RAB27B: variants seen among roughly 807,000 people sequenced by gnomAD.
The protein encoded by RAB27B is RAB27B, member RAS oncogene family.
RAB27B carries 15 observed loss-of-function variants against 24.6 expected under a neutral mutation model. The observed-to-expected ratio is 0.61, with a 90% CI of 0.41 to 0.94. RAB27B has a LOEUF of 0.94. Among genes scored for constraint, RAB27B ranks in the 40% least tolerant of loss-of-function variants. The probability of loss-of-function intolerance (pLI) is 0.00; values close to 1 mark genes in which losing one functional copy is unlikely to be tolerated. For missense variants in RAB27B, 261 were observed against 266.8 expected, an observed-to-expected ratio of 0.98 and a Z score of 0.15; for synonymous variants, 105 against 92.5, an observed-to-expected ratio of 1.14 and a Z score of -0.78.
In RAB27B at chr18:54,802,689, G is replaced by C. The variant is rs184579887; in HGVS notation, c.-19-74878G>C. Among the ~76,000 whole-genome samples, 3 of 152,326 alleles carry C rather than the reference G, an allele frequency of 2.0e-5. No individual in the cohort carries two copies. In the East Asian group the frequency reaches 5.8e-4, roughly 29 times the overall value. ...ATAAGGCAAAAGAGAGTTTAAACAT[G>C]TAAGCTCAATTTGCTGTCTTGAAAC... On this transcript the variant is annotated intron_variant, in intron 2 of 4. Transcript: ENST00000586570.
chr18:54,783,401 A>T (rs1908977807), intron 2 of RAB27B, among the ~76,000 whole-genome samples: 5 of 152,162 alleles, frequency 3.3e-5, no homozygotes, highest in Admixed American at 3.3e-4. Context: ...AGCCATTTGT[A>T]AGAAGCATTT....
chr18:54,790,617 A>T (rs79546557), intron 2 of RAB27B, among the ~76,000 whole-genome samples: 13 of 150,680 alleles, frequency 8.6e-5, no homozygotes, highest in African/African-American at 2.2e-4. Flanking sequence ...AAACAAAAAT[A>T]TTTTTTTTCT....
chr18:54,879,362 C>A lies in RAB27B; in HGVS notation c.154-7C>A. The A allele has an allele frequency of 6.2e-7, 1 of 1,605,806 alleles. No homozygotes were observed. Among genetic ancestry groups the A allele is most frequent in the Non-Finnish European group, 8.5e-7 (1 of 1,172,630 alleles). The stretch of plus-strand genomic sequence containing the variant: ...CAACCTCAACTAATGAACGTTGTAT[C>A]TTTCAGGTTTATAATGCACAAGGAC... On this transcript the variant is annotated splice_region_variant and splice_polypyrimidine_tract_variant and intron_variant, in intron 2 of 5. Transcript: ENST00000262094.
intron 2 of RAB27B, among the ~76,000 whole-genome samples, chr18:54,724,081 G>A (rs1264727055): frequency 6.9e-6 from 1 of 144,140 alleles, no homozygotes; most frequent in Non-Finnish European, 1.6e-5. Context: ...TTAGTGGTGA[G>A]GAGTATCACG....
chr18:54,758,773 A>G (rs1908089063), intron 2 of RAB27B, among the ~76,000 whole-genome samples: 1 of 152,168 alleles, frequency 6.6e-6, no homozygotes, highest in Non-Finnish European at 1.5e-5. Context: ...GGTGATTCTA[A>G]TGAGCTCTGT....
intron 2 of RAB27B, among the ~76,000 whole-genome samples, chr18:54,752,411 C>T (rs1165405126): frequency 6.6e-6 from 1 of 152,086 alleles, no homozygotes; most frequent in East Asian, 1.9e-4. Context: ...TTAAAAGTCC[C>T]CCAGGTGATT....
intron 2 of RAB27B, among the ~76,000 whole-genome samples, chr18:54,739,456 C>CAAAAA (rs34119736): frequency 2.1e-5 from 2 of 94,512 alleles, no homozygotes; most frequent in Admixed American, 1.2e-4. Context: ...AACTCCATCT[C>CAAAAA]AAAAAAAAAA....
intron 2 of RAB27B, among the ~76,000 whole-genome samples, chr18:54,733,867 G>T (rs1349989396): frequency 6.6e-6 from 1 of 152,026 alleles, no homozygotes; most frequent in African/African-American, 2.4e-5. Flanking sequence ...TTAAGTTCTG[G>T]TAAAAATAGG....
chr18:54,858,909 ATTC>A (rs1312284746), intron 1 of RAB27B, among the ~76,000 whole-genome samples: 1 of 152,186 alleles, frequency 6.6e-6, no homozygotes, highest in Non-Finnish European at 1.5e-5. Context: ...CGGCAAATCT[ATTC>A]TTTGTGAATG....
At chr18:54,840,397 T>A (rs887378088) in intron 1 of RAB27B, among the ~76,000 whole-genome samples, 1 of 152,204 alleles carries the variant, frequency 6.6e-6, no homozygotes, top group African/African-American at 2.4e-5. Context: ...CTGTTCCCAG[T>A]AAATATATTT....
chr18:54,793,926 A>G (rs1909333242), intron 2 of RAB27B, among the ~76,000 whole-genome samples: 1 of 152,216 alleles, frequency 6.6e-6, no homozygotes, highest in African/African-American at 2.4e-5. Flanking sequence ...CATCACAAGA[A>G]TGCATATGGC....
intron 2 of RAB27B, among the ~76,000 whole-genome samples, chr18:54,730,000 A>G (rs1909677131): frequency 7.9e-6 from 1 of 126,920 alleles, no homozygotes; most frequent in African/African-American, 2.8e-5. Context: ...GGAAAGATGC[A>G]ATAAGAAGTG....
At chr18:54,819,034 T>C (rs928127186) in intron 2 of RAB27B, among the ~76,000 whole-genome samples, 4 of 151,648 alleles carry the variant, frequency 2.6e-5, no homozygotes, top group East Asian at 1.9e-4. Flanking sequence ...AAAAAATCCA[T>C]AGAACAGAAA....
chr18:54,828,564 C>T lies in RAB27B; in HGVS notation c.-156C>T, dbSNP rs1445574737. 6.6e-6 allele frequency: 1 copy of T among 152,398 alleles called. No homozygotes were observed. Among genetic ancestry groups the T allele is most frequent in the African/African-American group, 2.4e-5 (1 of 41,470 alleles). The allele number at this position is 152,398 out of a possible 1,614,324, so 9.4% of individuals were successfully genotyped here. A position where few individuals can be genotyped will look rare whatever the true frequency, so the allele number is the denominator to read the frequency against. ...GGTTGGAGGAGATAAGTAGCTGTCC[C>T]CGTGCTCATCGCCCTGTGGAGCAGA... is the stretch of plus-strand genomic sequence containing the variant. On this transcript the variant is annotated 5_prime_UTR_variant, in exon 1 of 6. Transcript: ENST00000262094.
intron 1 of RAB27B, among the ~76,000 whole-genome samples, chr18:54,846,597 G>T (rs1911348900): frequency 6.6e-6 from 1 of 152,160 alleles, no homozygotes. Context: ...GAGAACCTTT[G>T]ATACCTACCA....
chr18:54,861,497 C>T (rs1462263430), intron 1 of RAB27B, among the ~76,000 whole-genome samples: 1 of 152,074 alleles, frequency 6.6e-6, no homozygotes, highest in African/African-American at 2.4e-5. Flanking sequence ...AATCAGGCGC[C>T]TATGGTGGGA....
At chr18:54,725,744 G>T (rs749065446) in intron 2 of RAB27B, among the ~76,000 whole-genome samples, 24 of 151,368 alleles carry the variant, frequency 1.6e-4, no homozygotes, top group Non-Finnish European at 3.1e-4. Context: ...ATAGGACGAG[G>T]GAAACCACCC....
chr18:54,752,128 T>C (rs2145033860), intron 2 of RAB27B, among the ~76,000 whole-genome samples: 1 of 152,340 alleles, frequency 6.6e-6, no homozygotes, highest in East Asian at 1.9e-4. Flanking sequence ...GCTTTGCATG[T>C]AAATTGAGGC....
Position 54,891,621 on chromosome 18 carries a change from C to G in RAB27B, c.*2208C>G, listed in dbSNP as rs1374467589. ...ATTTCCTTAATAGGGAATGTGAAAC[C>G]TTTATAAAACTCTAAAAGTATTCTG... On this transcript the variant is annotated 3_prime_UTR_variant, in exon 6 of 6. Transcript: ENST00000262094. 1 of 151,958 alleles carries G rather than the reference C, an allele frequency of 6.6e-6. No homozygotes were observed. The highest frequency in any genetic ancestry group is 1.5e-5 in the Non-Finnish European group (1 of 67,974). The allele number at this position is 151,958 out of a possible 1,614,324, so 9.4% of individuals were successfully genotyped here.
Sources: gnomAD v4.1 joint callset for allele counts (sites outside exome capture counted in the v4.1 genomes callset) on GRCh38, gnomAD v4.1.1 for gene constraint, MANE v1.5 for transcripts, NCBI Gene and HGNC (gene_info 2026-07-23, HGNC 2026-07-21) for gene names.